OTULIN: variants seen among roughly 807,000 people sequenced by gnomAD.
The protein encoded by OTULIN is ubiquitin thioesterase otulin.
In OTULIN, 15 loss-of-function variants were observed where a neutral mutation model predicts 39.6. The ratio of observed to expected loss-of-function variants is 0.38; its 90% CI spans 0.25 to 0.58. The LOEUF (loss-of-function observed/expected upper bound fraction) is 0.58, where lower values mean the gene tolerates loss of function less well. OTULIN is among the 20% of genes least tolerant of loss of function. The pLI is 0.66. For synonymous variants in OTULIN, 156 were observed against 170.3 expected (o/e 0.92, Z 0.65); for missense variants, 319 against 445.9 (o/e 0.72, Z 2.56).
At chr5:14,665,028 C>T (rs2126808993) in intron 1 of OTULIN, 51 bp downstream of exon 1, 2 of 1,029,740 alleles carry the variant, frequency 1.9e-6, no homozygotes, top group South Asian at 4.4e-5. Context: ...GGCTCGGTCC[C>T]CTCCGGAAGC....
intron 5 of OTULIN, chr5:14,687,914 A>G (rs1377405311): frequency 4.1e-6 from 1 of 243,472 alleles, no homozygotes; most frequent in Non-Finnish European, 7.7e-6. Context: ...ACCTTAACAA[A>G]TATAGTCTTT....
At chr5:14,691,952 C>A (rs1261082465) in intron 6 of OTULIN, among the ~76,000 whole-genome samples, 1 of 152,038 alleles carries the variant, frequency 6.6e-6, no homozygotes, top group Non-Finnish European at 1.5e-5. Flanking sequence ...AAGTAATATC[C>A]CATTGTATGG....
At chr5:14,709,424 C>T in the OTULIN span, 6 of 152,160 alleles carry the variant, frequency 3.9e-5, no homozygotes, top group African/African-American at 9.7e-5. Context: ...TGAGGAAGCA[C>T]GCCAAGGACA....
the OTULIN span, among the ~76,000 whole-genome samples, chr5:14,713,146 C>G: frequency 3.9e-5 from 6 of 152,274 alleles, no homozygotes; most frequent in East Asian, 3.9e-4. This position sits in a 1 kb window ranked among gnomAD's most constrained non-coding sequence, Gnocchi z 4.4. Flanking sequence ...TGAGGGGAAC[C>G]AGGAACTCGG....
At chr5:14,714,453 G>C in the OTULIN span, among the ~76,000 whole-genome samples, 1 of 152,250 alleles carries the variant, frequency 6.6e-6, no homozygotes, top group South Asian at 2.1e-4. Context: ...GCCTTGAAGA[G>C]AGGGCCTGTT....
the OTULIN span, chr5:14,711,121 G>C: frequency 1.0e-5 from 13 of 1,240,226 alleles, no homozygotes; most frequent in African/African-American, 1.5e-4. Context: ...AACAAAATAC[G>C]ATGGGAGAGG....
At chr5:14,711,367 A>C in the OTULIN span, 3 of 1,458,512 alleles carry the variant, frequency 2.1e-6, no homozygotes, top group Admixed American at 3.3e-5. Context: ...TGCACAGCAG[A>C]ACCACGAGCA....
chr5:14,676,490 A>AT (rs1018794756), intron 2 of OTULIN, among the ~76,000 whole-genome samples: 3 of 152,268 alleles, frequency 2.0e-5, no homozygotes, highest in Non-Finnish European at 4.4e-5. Flanking sequence ...GCCAGTACCC[A>AT]TTTTCCCAAC....
chr5:14,672,035 G>A (rs558962676), intron 1 of OTULIN, among the ~76,000 whole-genome samples: 2 of 152,210 alleles, frequency 1.3e-5, no homozygotes, highest in East Asian at 3.9e-4. Flanking sequence ...ATAAACCCTG[G>A]CAGTCTAATT....
At chr5:14,689,881 A>G (rs1049676790) in intron 5 of OTULIN, among the ~76,000 whole-genome samples, 158 bp from the exon 6 acceptor site, 1 of 152,238 alleles carries the variant, frequency 6.6e-6, no homozygotes, top group Non-Finnish European at 1.5e-5. Flanking sequence ...TGTGTGCTTT[A>G]AAGTGTACCA....
chr5:14,675,322 A>G lies in OTULIN; in HGVS notation c.229+1604A>G, dbSNP rs186344910. Among the ~76,000 whole-genome samples, 9 of 152,324 alleles carry G rather than the reference A, an allele frequency of 5.9e-5. 1 individual carries two copies. The highest frequency in any genetic ancestry group is 5.9e-4 in the Admixed American group (9 of 15,306). ...GTTTTTGGTGAACAAAAGCATTGTC[A>G]TGTGTGATTAGGAACAAATGATACA... On this transcript the variant is annotated intron_variant, in intron 2 of 6. Transcript: ENST00000284274.
the OTULIN span, chr5:14,711,224 G>GATGTCTGTCACCTCCTCTGTCGGAGGC: frequency 6.2e-7 from 1 of 1,614,042 alleles, no homozygotes; most frequent in Non-Finnish European, 8.5e-7. Context: ...TCATTTCCAC[G>GATGTCTGTCACCTCCTCTGTCGGAGGC]ATGTCTGTCA....
intron 2 of OTULIN, among the ~76,000 whole-genome samples, chr5:14,675,128 C>G (rs1375455933): frequency 6.6e-6 from 1 of 152,156 alleles, no homozygotes; most frequent in Non-Finnish European, 1.5e-5. Context: ...TCTTATCCTT[C>G]TTAGTGCCTT....
chr5:14,686,140 T>C (rs753932359), intron 4 of OTULIN, among the ~76,000 whole-genome samples: 1 of 152,242 alleles, frequency 6.6e-6, no homozygotes, highest in Non-Finnish European at 1.5e-5. Context: ...ACCACCTTAG[T>C]TCACACGATT....
At chr5:14,713,154 C>T in the OTULIN span, among the ~76,000 whole-genome samples, 2 of 152,164 alleles carry the variant, frequency 1.3e-5, no homozygotes, top group Non-Finnish European at 2.9e-5. This position sits in a 1 kb window ranked among gnomAD's most constrained non-coding sequence, Gnocchi z 4.4. Context: ...ACCAGGAACT[C>T]GGGGCTGGGC....
chr5:14,686,611 G>A (rs1204299006), intron 4 of OTULIN, among the ~76,000 whole-genome samples: 4 of 152,130 alleles, frequency 2.6e-5, no homozygotes, highest in Non-Finnish European at 5.9e-5. Context: ...TGTTGACTTG[G>A]AGGTGAACTT....
rs1470700626 is a variant in OTULIN at position 14,696,727 on chromosome 5, C to G, written c.*3679C>G. The stretch of plus-strand genomic sequence containing the variant: ...CTTACGTGTATACAGTTTACAAATT[C>G]CTATTTCTAAAATTTAAGTCCCTTA... On this transcript the variant is annotated 3_prime_UTR_variant, in exon 7 of 7. Coordinates refer to ENST00000284274, the MANE Select transcript of OTULIN (RefSeq NM_138348.6). 6.6e-6 allele frequency: 1 copy of G among 151,626 alleles called. No individual in the cohort carries two copies. Among genetic ancestry groups the G allele is most frequent in the East Asian group, 1.9e-4 (1 of 5,200 alleles). The allele number at this position is 151,626 out of a possible 1,614,324, so 9.4% of individuals were successfully genotyped here.
chr5:14,683,118 T>C (rs1337371855), intron 4 of OTULIN, among the ~76,000 whole-genome samples: 1 of 152,198 alleles, frequency 6.6e-6, no homozygotes, highest in South Asian at 2.1e-4. Flanking sequence ...CTATATCAAC[T>C]GTCAAAATGA....
intron 5 of OTULIN, among the ~76,000 whole-genome samples, chr5:14,688,970 TA>T (rs1736454932): frequency 6.6e-6 from 1 of 152,228 alleles, no homozygotes; most frequent in Non-Finnish European, 1.5e-5. Flanking sequence ...AAATTACTAA[TA>T]ATCTGAGCCA....
Sources: allele counts gnomAD v4.1 joint callset (sites outside exome capture counted in the v4.1 genomes callset), GRCh38; gene constraint gnomAD v4.1.1; non-coding constraint Gnocchi (gnomAD v3.1); transcripts MANE v1.5; gene names NCBI Gene and HGNC (gene_info 2026-07-23, HGNC 2026-07-21).